The following CSGALNACT1 variants were observed in gnomAD, a reference collection of about 807,000 sequenced individuals.
The protein encoded by CSGALNACT1 is beta4GalNAcT-1.
A neutral mutation model predicts 51.0 loss-of-function variants in CSGALNACT1; 52 were observed. That is an observed-to-expected ratio of 1.02 (90% confidence interval 0.82 to 1.29). CSGALNACT1 has a LOEUF of 1.29. CSGALNACT1 is among the 50% of genes most tolerant of loss of function. The pLI is 0.00. For missense variants in CSGALNACT1, 935 were observed against 679.2 expected, an observed-to-expected ratio of 1.38 and a Z score of -4.19; for synonymous variants, 341 against 254.4, an observed-to-expected ratio of 1.34 and a Z score of -3.24.
chr8:19,564,784 C>G (rs1235221184), intron 3 of CSGALNACT1, among the ~76,000 whole-genome samples: 5 of 152,316 alleles, frequency 3.3e-5, no homozygotes, highest in African/African-American at 1.2e-4. Context: ...TGTAGTATTT[C>G]TGTGGTTTTT....
chr8:19,671,174 T>C (rs1031477263), intron 1 of CSGALNACT1, among the ~76,000 whole-genome samples: 1 of 152,036 alleles, frequency 6.6e-6, no homozygotes, highest in Non-Finnish European at 1.5e-5. Context: ...GAATGGGGAA[T>C]AGAAAAGGCA....
intron 6 of CSGALNACT1, among the ~76,000 whole-genome samples, chr8:19,427,458 T>C (rs1382175213): frequency 6.6e-6 from 1 of 152,200 alleles, no homozygotes; most frequent in Non-Finnish European, 1.5e-5. Context: ...TTCAAACATC[T>C]GGCATGAGGC....
intron 1 of CSGALNACT1, among the ~76,000 whole-genome samples, chr8:19,709,238 A>T (rs1433813532): frequency 6.6e-6 from 1 of 152,150 alleles, no homozygotes; most frequent in Non-Finnish European, 1.5e-5. Context: ...AAAAGGACTC[A>T]AGCCTATGCT....
intron 2 of CSGALNACT1, among the ~76,000 whole-genome samples, chr8:19,593,851 G>C (rs1428301211): frequency 6.6e-6 from 1 of 152,094 alleles, no homozygotes; most frequent in Non-Finnish European, 1.5e-5. Context: ...CCCACTTATT[G>C]CTCCACAAGC....
chr8:19,622,694 A>C (rs2053968095), intron 1 of CSGALNACT1, among the ~76,000 whole-genome samples: 1 of 152,132 alleles, frequency 6.6e-6, no homozygotes, highest in Non-Finnish European at 1.5e-5. Context: ...ATAAATACAC[A>C]CTCTCTAATG....
intron 1 of CSGALNACT1, among the ~76,000 whole-genome samples, chr8:19,660,853 C>T (rs189564781): frequency 3.3e-5 from 5 of 152,278 alleles, no homozygotes; most frequent in Non-Finnish European, 7.4e-5. Flanking sequence ...GGTGTACATT[C>T]CCAAAACCTC....
At chr8:19,696,496 G>A (rs1353716638) in intron 1 of CSGALNACT1, among the ~76,000 whole-genome samples, 2 of 152,166 alleles carry the variant, frequency 1.3e-5, no homozygotes, top group Non-Finnish European at 2.9e-5. Flanking sequence ...AAGGGAAGTG[G>A]GGGCAGGGAA....
chr8:19,743,021 T>C (rs534571200), intron 1 of CSGALNACT1, among the ~76,000 whole-genome samples: 25 of 152,340 alleles, frequency 1.6e-4, no homozygotes, highest in African/African-American at 5.8e-4. Flanking sequence ...CCTGTTTTCA[T>C]TCAGAGCCAG....
intron 1 of CSGALNACT1, among the ~76,000 whole-genome samples, chr8:19,657,998 G>A (rs1176883650): frequency 7.0e-6 from 1 of 142,368 alleles, no homozygotes; most frequent in African/African-American, 2.6e-5. Context: ...CATTATTCAG[G>A]CAGAATAGTG....
Position 19,568,342 on chromosome 8 carries a change from C to CA in CSGALNACT1, c.-297+22817dup, listed in dbSNP as rs200762557. Among the ~76,000 whole-genome samples the CA allele has an allele frequency of 5.4e-3, 819 of 152,076 alleles. 7 individuals carry two copies. Among genetic ancestry groups the CA allele is most frequent in the Admixed American group, 8.5e-3 (130 of 15,276 alleles). ...TAAGTATTTGTGTATCTAAACATAT[C>CA]AAAAAATAGAAAAGGCATAGGGAAA... On this transcript the variant is annotated intron_variant, in intron 3 of 9. Coordinates refer to ENST00000454498, the Ensembl canonical transcript of CSGALNACT1.
At chr8:19,519,004 G>A (rs1469358360) in intron 3 of CSGALNACT1, among the ~76,000 whole-genome samples, 2 of 152,182 alleles carry the variant, frequency 1.3e-5, no homozygotes, top group African/African-American at 4.8e-5. Flanking sequence ...TAGAAGGGGG[G>A]AACTGACGAT....
At chr8:19,443,939 C>CA in intron 5 of CSGALNACT1, among the ~76,000 whole-genome samples, 2 of 152,302 alleles carry the variant, frequency 1.3e-5, no homozygotes, top group Admixed American at 1.3e-4. Context: ...CTCAGATCAT[C>CA]AAGCATTAGA....
chr8:19,441,129 A>C (rs187074814), intron 5 of CSGALNACT1, among the ~76,000 whole-genome samples: 2 of 152,334 alleles, frequency 1.3e-5, no homozygotes, highest in East Asian at 3.9e-4. Context: ...ATATCGTGAA[A>C]ATGGTCATAC....
chr8:19,688,980 T>C (rs1383510590), intron 1 of CSGALNACT1: 1 of 152,224 alleles, frequency 6.6e-6, no homozygotes, highest in African/African-American at 2.4e-5. Context: ...AGTGTCACCT[T>C]AGCAACAAGT....
intron 8 of CSGALNACT1, among the ~76,000 whole-genome samples, chr8:19,416,272 G>C (rs745362494): frequency 6.6e-6 from 1 of 151,948 alleles, no homozygotes; most frequent in Non-Finnish European, 1.5e-5. Flanking sequence ...ATACCACCAT[G>C]CCCAGCTAAT....
At position 19,413,403 on chromosome 8, in the gene CSGALNACT1, T is replaced by G. The variant is rs1456864265; in HGVS notation, c.1228-4709A>C. ...GGCCCTCAATTCCTCATCTGTGAAA[T>G]GAGAATAATAGCACCTCTTCCCCTT... On this transcript the variant is annotated intron_variant, in intron 8 of 9. Coordinates refer to ENST00000454498, the Ensembl canonical transcript of CSGALNACT1. Among the ~76,000 whole-genome samples the G allele has an allele frequency of 2.0e-5, 3 of 152,096 alleles. No homozygotes were observed. The East Asian group carries it at 5.8e-4, about 29-fold the overall frequency.
At chr8:19,472,071 A>G in intron 4 of CSGALNACT1, among the ~76,000 whole-genome samples, 1 of 152,212 alleles carries the variant, frequency 6.6e-6, no homozygotes, top group African/African-American at 2.4e-5. Flanking sequence ...TAGAAATTAC[A>G]CTTGCAGGAT....
rs76500435 is a variant in CSGALNACT1 at position 19,672,490 on chromosome 8, T to A, written c.-544+9983A>T. Among the ~76,000 whole-genome samples, 713 of 152,286 alleles carry A rather than the reference T, an allele frequency of 4.7e-3. 4 individuals carry two copies. The highest frequency in any genetic ancestry group is 0.016 in the African/African-American group (674 of 41,546). On this transcript the variant is annotated intron_variant, in intron 1 of 9. Coordinates refer to the CSGALNACT1 transcript ENST00000332246. ...GCATCGCTTTAACAAGACTGCAAAG[T>A]ATTTCCCTGAATGCCTTTAGGATGC... is the stretch of plus-strand genomic sequence containing the variant.
chr8:19,721,913 G>A (rs2063149785), intron 1 of CSGALNACT1, among the ~76,000 whole-genome samples: 1 of 151,990 alleles, frequency 6.6e-6, no homozygotes, highest in Non-Finnish European at 1.5e-5. Flanking sequence ...CAAATTCCCA[G>A]GTGTAGCCAA....
Sources: gnomAD v4.1 joint callset for allele counts (sites outside exome capture counted in the v4.1 genomes callset) on GRCh38, gnomAD v4.1.1 for gene constraint, MANE v1.5 for transcripts, NCBI Gene and HGNC (gene_info 2026-07-23, HGNC 2026-07-21) for gene names.